The following TRIM64B variants were observed in gnomAD, a reference collection of about 807,000 sequenced individuals.
TRIM64B encodes the protein tripartite motif-containing protein 64B.
For synonymous variants in TRIM64B, 17 were observed against 190.3 expected (o/e 0.09, Z 7.50); for missense variants, 57 against 536.4 (o/e 0.11, Z 8.83).
chr11:89,876,992 TA>T (rs1460267680), upstream of TRIM64B, among the ~76,000 whole-genome samples: 12 of 145,790 alleles, frequency 8.2e-5, no homozygotes, highest in Non-Finnish European at 4.6e-5. Flanking sequence ...TTATGTAAGC[TA>T]ATTAACGAAG....
intron 5 of TRIM64B, among the ~76,000 whole-genome samples, chr11:89,871,420 A>G (rs138056689): frequency 7.0e-4 from 106 of 152,250 alleles, no homozygotes; most frequent in African/African-American, 2.4e-3. Context: ...TCAATAGAAA[A>G]CTCTCCTTGT....
At chr11:89,873,999 A>T in intron 3 of TRIM64B, 50 bp downstream of exon 4, 1 of 1,525,738 alleles carries the variant, frequency 6.6e-7, no homozygotes, top group Non-Finnish European at 8.9e-7. Context: ...TCCTGGCAGC[A>T]CTGTCCAGCA....
chr11:89,874,240 A>G (rs1164362250), exon 3 of TRIM64B: 2 of 1,506,146 alleles, frequency 1.3e-6, no homozygotes, highest in African/African-American at 3.2e-5. Context: ...ATCTTTTGAT[A>G]TTGAATAGTG....
Position 89,875,852 on chromosome 11 carries a change from T to C in TRIM64B, c.166A>G (p.Arg56Gly). The change falls in exon 1 of 6, where the codon AGA (arginine) becomes GGA (glycine). Residue 56 changes from arginine to glycine, a missense_variant. Physicochemically the swap from Arg to Gly is moderately radical, Grantham distance 125 (BLOSUM62 -2). Coordinates refer to ENST00000329862, the Ensembl canonical transcript of TRIM64B. ...AAGTTGGGCTTCTCTGAGGTTTTTC[T>C]GCACGAAGGGCAGCGCATTGGTGCT... The C allele has an allele frequency of 4.5e-6, 7 of 1,550,436 alleles. No individual in the cohort carries two copies. In the South Asian group the frequency reaches 7.1e-5, roughly 16 times the overall value.
At chr11:89,876,432 G>A (rs1950164130), upstream of TRIM64B, among the ~76,000 whole-genome samples, 1 of 149,326 alleles carries the variant, frequency 6.7e-6, no homozygotes, top group Non-Finnish European at 1.5e-5. Context: ...TTAAAAATAT[G>A]TACATGTTTG....
chr11:89,871,426 C>CT (rs1950106971), intron 5 of TRIM64B, among the ~76,000 whole-genome samples: 1 of 152,212 alleles, frequency 6.6e-6, no homozygotes, highest in South Asian at 2.1e-4. Context: ...GAAAACTCTC[C>CT]TTGTATTATT....
upstream of TRIM64B, among the ~76,000 whole-genome samples, chr11:89,877,369 A>G (rs1408541371): frequency 2.3e-5 from 3 of 132,204 alleles, no homozygotes; most frequent in Non-Finnish European, 4.9e-5. Flanking sequence ...GAAATAGCCA[A>G]TATTTCAACT....
intron 1 of TRIM64B, among the ~76,000 whole-genome samples, chr11:89,875,278 T>C (rs559889242): frequency 1.3e-5 from 2 of 152,372 alleles, no homozygotes; most frequent in South Asian, 2.1e-4. Flanking sequence ...TAAGGGACCC[T>C]TCAGATAATA....
rs1322857795 is a variant in TRIM64B at position 89,873,020 on chromosome 11, G to T, written c.758+248C>A. Reference sequence around the variant, plus strand: ...TTTGCATTAAGATCTGTGGGGTATGGTTGGTCAGGACGGATGGACTGGGAA... The same window carrying T: ...TTTGCATTAAGATCTGTGGGGTATGTTTGGTCAGGACGGATGGACTGGGAA... On this transcript the variant is annotated intron_variant, in intron 4 of 5. Transcript: ENST00000329862. Among the ~76,000 whole-genome samples, 4 of 151,738 alleles carry T rather than the reference G, an allele frequency of 2.6e-5. No individual in the cohort carries two copies. In the East Asian group the frequency reaches 7.8e-4, roughly 30 times the overall value.
chr11:89,877,661 G>A (rs147307418), upstream of TRIM64B, among the ~76,000 whole-genome samples: 7 of 146,208 alleles, frequency 4.8e-5, no homozygotes, highest in African/African-American at 1.5e-4. Flanking sequence ...ACTCTGTTAC[G>A]CAGGCTGGAG....
chr11:89,876,641 G>A (rs1950166474), upstream of TRIM64B, among the ~76,000 whole-genome samples: 1 of 148,720 alleles, frequency 6.7e-6, no homozygotes, highest in Admixed American at 6.7e-5. Flanking sequence ...AGAATCGCTT[G>A]AACCCAGGAG....
At chr11:89,877,500 T>C (rs1177160799), upstream of TRIM64B, among the ~76,000 whole-genome samples, 4 of 147,420 alleles carry the variant, frequency 2.7e-5, no homozygotes, top group African/African-American at 9.8e-5. Context: ...AATGGAAGCA[T>C]GGCCGCCAAT....
At chr11:89,875,445 C>G (rs1333415214) in intron 1 of TRIM64B, among the ~76,000 whole-genome samples, 165 bp downstream of exon 2, 1 of 152,302 alleles carries the variant, frequency 6.6e-6, no homozygotes, top group Admixed American at 6.5e-5. Context: ...GATTAGAGTG[C>G]CAAATTAGCC....
chr11:89,872,722 G>C (rs367930794), intron 4 of TRIM64B, among the ~76,000 whole-genome samples: 6 of 151,862 alleles, frequency 4.0e-5, no homozygotes, highest in African/African-American at 1.2e-4. Context: ...GAGGCAAAAG[G>C]CTTTAATCTT....
At chr11:89,872,439 A>G in intron 4 of TRIM64B, 127 bp from the exon 6 acceptor site, 1 of 1,491,154 alleles carries the variant, frequency 6.7e-7, no homozygotes, top group Non-Finnish European at 9.0e-7. Context: ...CTGGGTGTAC[A>G]TTTTATTCCA....
upstream of TRIM64B, among the ~76,000 whole-genome samples, chr11:89,877,093 T>C (rs1950170336): frequency 1.5e-5 from 2 of 134,836 alleles, no homozygotes; most frequent in African/African-American, 5.3e-5. Flanking sequence ...TTAGTATCTA[T>C]GGTATTATTC....
At chr11:89,878,135 A>G (rs1339718276), upstream of TRIM64B, among the ~76,000 whole-genome samples, 3 of 139,900 alleles carry the variant, frequency 2.1e-5, no homozygotes, top group African/African-American at 7.9e-5. Flanking sequence ...CTATGGAAAT[A>G]TATCTTTTCA....
intron 4 of TRIM64B, among the ~76,000 whole-genome samples, chr11:89,872,571 C>T (rs1320224942): frequency 2.6e-5 from 4 of 151,808 alleles, no homozygotes; most frequent in African/African-American, 4.9e-5. Flanking sequence ...GTCATTGCCT[C>T]CCTCTGCCCA....
rs1470682646 is a variant in TRIM64B, at chr11:89,871,915, T to C, written c.856+300A>G. ...AAAATTGAATTAAATTGAATAAACA[T>C]GAAATACTGATGCCGCCATGAGAAC... On this transcript the variant is annotated intron_variant, in intron 5 of 5. Transcript: ENST00000329862. Among the ~76,000 whole-genome samples, 5 of 51,154 alleles carry C rather than the reference T, an allele frequency of 9.8e-5. No individual in the cohort carries two copies. The East Asian group carries it at 2.2e-3, about 22-fold the overall frequency. The allele number at this position is 51,154 out of a possible 152,430, so 33.6% of individuals were successfully genotyped here.
Sources: allele counts gnomAD v4.1 joint callset (sites outside exome capture counted in the v4.1 genomes callset), GRCh38; gene constraint gnomAD v4.1.1; transcripts MANE v1.5; gene names NCBI Gene and HGNC (gene_info 2026-07-23, HGNC 2026-07-21).